The following PCDH1 variants were observed in gnomAD, a reference collection of about 807,000 sequenced individuals.
The protein encoded by PCDH1 is protocadherin 1, also known as protocadherin-1.
In PCDH1, 23 loss-of-function variants were observed where a neutral mutation model predicts 74.6. The observed-to-expected ratio is 0.31, with a 90% CI of 0.22 to 0.44. The LOEUF (loss-of-function observed/expected upper bound fraction) is 0.44, where lower values mean the gene tolerates loss of function less well. Ranked by LOEUF, PCDH1 falls within the 20% of genes least tolerant of loss-of-function variation. PCDH1 has a pLI of 1.00. For missense variants in PCDH1, 1,214 were observed against 1,641.4 expected (o/e 0.74, Z 4.50); for synonymous variants, 647 against 686.1 (o/e 0.94, Z 0.89).
Position 141,854,022 on chromosome 5 carries a change from C to T in PCDH1, c.*20G>A. 1 of 1,466,624 alleles carries T rather than the reference C, an allele frequency of 6.8e-7. No homozygotes were observed. 90.9% of individuals were successfully genotyped at this position (1,466,624 alleles called of 1,614,324 possible). On this transcript the variant is annotated 3_prime_UTR_variant, in exon 5 of 5. Coordinates refer to ENST00000287008, the MANE Select transcript of PCDH1 (RefSeq NM_032420.5). ...CTGGCCGGCGGCTGGGGGAGGGGGGCCGGCCGGCCAGTAGGGGGCTCACAG... is the reference window on the plus strand; with the variant it reads ...CTGGCCGGCGGCTGGGGGAGGGGGGTCGGCCGGCCAGTAGGGGGCTCACAG...
At chr5:141,877,411 G>A (rs1753267982) in intron 1 of PCDH1, among the ~76,000 whole-genome samples, 1 of 152,152 alleles carries the variant, frequency 6.6e-6, no homozygotes, top group Non-Finnish European at 1.5e-5. Flanking sequence ...CCTATGTTCT[G>A]GCCAAGAAGT....
In PCDH1 at chr5:141,865,495, C is replaced by A; in HGVS notation, c.904-68G>T. 2 of 1,513,244 alleles carry A rather than the reference C, an allele frequency of 1.3e-6. No individual in the cohort carries two copies. The highest frequency in any genetic ancestry group is 1.8e-6 in the Non-Finnish European group (2 of 1,117,958). 93.7% of individuals were successfully genotyped at this position (1,513,244 alleles called of 1,614,324 possible). A position where few individuals can be genotyped will look rare whatever the true frequency, so the allele number is the denominator to read the frequency against. On this transcript the variant is annotated intron_variant, in intron 2 of 4. Coordinates refer to ENST00000287008, the MANE Select transcript of PCDH1 (RefSeq NM_032420.5). This position sits in a 1 kb window ranked among gnomAD's most constrained non-coding sequence, Gnocchi z 4.4. The stretch of plus-strand genomic sequence containing the variant: ...AGATCAGGGATAGCAAATAAAGGGG[C>A]ACACATGCTGCCAATGTCCTTTCCA...
chr5:141,864,945 G>T lies in PCDH1; in HGVS notation c.1386C>A (p.Thr462=). The T allele has an allele frequency of 1.2e-6, 2 of 1,614,100 alleles. No homozygotes were observed. The highest frequency in any genetic ancestry group is 8.5e-7 in the Non-Finnish European group (1 of 1,180,024). ...SKKKYFLQTT[T]PLDYEKVKDY... ...CTTTGACCTTCTCGTAGTCTAGCGG[G>T]GTGGTAGTCTGCAGGAAATACTTCT... Residue 462 remains threonine, a synonymous_variant, in exon 3 of 5, where the codon ACC becomes ACA. Coordinates refer to ENST00000287008, the MANE Select transcript of PCDH1 (RefSeq NM_032420.5). The surrounding 1 kb of genome is among the most constrained non-coding windows in gnomAD (Gnocchi z 5.9).
intron 1 of PCDH1, among the ~76,000 whole-genome samples, chr5:141,872,789 AATTGGAAAGAG>A (rs1283269858): frequency 6.6e-6 from 1 of 152,206 alleles, no homozygotes; most frequent in East Asian, 1.9e-4. Context: ...CTAACCTCTG[AATTGGAAAGAG>A]AAGGAGAACC....
intron 4 of PCDH1, among the ~76,000 whole-genome samples, chr5:141,856,991 C>T (rs1433631005): frequency 1.3e-5 from 2 of 152,194 alleles, no homozygotes; most frequent in Admixed American, 6.5e-5. Context: ...AGGTCTGTCA[C>T]GTTCTAGATG....
intron 4 of PCDH1, chr5:141,856,306 T>C: frequency 7.3e-6 from 8 of 1,100,770 alleles, no homozygotes; most frequent in Non-Finnish European, 1.0e-5. Flanking sequence ...AGATCGCGCA[T>C]GGAGGGGCGG....
Position 141,875,893 on chromosome 5 carries a change from C to G in PCDH1, c.40+2330G>C, listed in dbSNP as rs551748485. On this transcript the variant is annotated intron_variant, in intron 1 of 4. Coordinates refer to ENST00000287008, the MANE Select transcript of PCDH1 (RefSeq NM_032420.5). ...AACACCCACCTACTCCCGCGCCCCC[C>G]ACCCCCTACAAACACAGCTAGACCT... 1.4e-3 allele frequency among the ~76,000 whole-genome samples: 216 copies of G among 152,276 alleles called. 1 individual carries two copies. The highest frequency in any genetic ancestry group is 2.6e-3 in the Non-Finnish European group (180 of 68,018).
chr5:141,862,692 TGG>T, intron 3 of PCDH1: 1 of 990,398 alleles, frequency 1.0e-6, no homozygotes, highest in Non-Finnish European at 1.2e-6. Flanking sequence ...CAAGGGCATG[TGG>T]GACCCAGCCC....
rs1596551758 is a variant in PCDH1, at chr5:141,863,553, C to T, written c.2778G>A (p.Glu926=). Residue 926 remains glutamate, a synonymous_variant, in exon 3 of 5, where the codon GAG becomes GAA. Coordinates refer to ENST00000287008, the MANE Select transcript of PCDH1 (RefSeq NM_032420.5). The surrounding 1 kb of genome is among the most constrained non-coding windows in gnomAD (Gnocchi z 7.5). ...SKSPKPVKPV[E]DEDEAGLQKS... is the part of the protein sequence containing the mutation. ...TCTGCAGCCCGGCCTCATCCTCGTC[C>T]TCCACTGGCTTCACGGGCTTTGGGG... is the stretch of plus-strand genomic sequence containing the variant. 6.2e-7 allele frequency: 1 copy of T among 1,614,074 alleles called. No homozygotes were observed. The highest frequency in any genetic ancestry group is 1.3e-5 in the African/African-American group (1 of 74,936).
At chr5:141,873,088 G>T (rs1055799230) in intron 1 of PCDH1, among the ~76,000 whole-genome samples, 1 of 152,046 alleles carries the variant, frequency 6.6e-6, no homozygotes, top group Non-Finnish European at 1.5e-5. Flanking sequence ...ACAACTTTGA[G>T]ATAATTCCAG....
rs1039517729 is a variant in PCDH1, at chr5:141,854,255, C to T, written c.3501G>A (p.Ala1167=). 8 of 1,612,156 alleles carry T rather than the reference C, an allele frequency of 5.0e-6. No individual in the cohort carries two copies. The highest frequency in any genetic ancestry group is 1.7e-5 in the Admixed American group (1 of 59,796). Residue 1167 remains alanine, a synonymous_variant, in exon 5 of 5, where the codon GCG becomes GCA. Transcript: ENST00000287008. ...CCGGGGGGCTGGGGCTGCCGGCGCC[C>T]GCAGGCTCCTGCCCTCCTCGGTCCT... ...PYQDRGGQEP[A]GAGSPSPPED...
At chr5:141,854,534 C>T (rs1228843893) in intron 4 of PCDH1, 98 bp from the exon 5 acceptor site, 2 of 1,265,904 alleles carry the variant, frequency 1.6e-6, no homozygotes, top group East Asian at 2.5e-5. Context: ...CACCTCAGGA[C>T]AGGAGTATGC....
rs766790322 is a variant in PCDH1 at position 141,865,238 on chromosome 5, T to C, written c.1093A>G (p.Asn365Asp). ...FSVLAKDRGT[N>D]PKSARAQVVV... ...ACCTGGGCACGGGCACTCTTGGGGT[T>C]GGTGCCTCGGTCCTTAGCAAGCACT... Residue 365 changes from asparagine (N) to aspartate (D), a missense_variant, in exon 3 of 5, where the codon AAC (asparagine) becomes GAC (aspartate). Physicochemically the swap from Asn to Asp is conservative, Grantham distance 23. Coordinates refer to ENST00000287008, the MANE Select transcript of PCDH1 (RefSeq NM_032420.5). The surrounding 1 kb of genome is among the most constrained non-coding windows in gnomAD (Gnocchi z 4.4). The C allele has an allele frequency of 1.2e-6, 2 of 1,614,098 alleles. No homozygotes were observed. The highest frequency in any genetic ancestry group is 1.1e-5 in the South Asian group (1 of 91,090).
In PCDH1 at chr5:141,857,259, G is replaced by A. The variant is rs368644493; in HGVS notation, c.3312C>T (p.Pro1104=). The A allele has an allele frequency of 1.6e-5, 25 of 1,576,542 alleles. No homozygotes were observed. The highest frequency in any genetic ancestry group is 1.9e-4 in the Middle Eastern group (1 of 5,188). The part of the protein sequence containing the change: ...PDGSIGEMEH[P]ENDLRPLPDV... Reference sequence around the variant, plus strand: ...CATGGTGCTGCGCCTCACCATTCTCGGGGTGCTCCATCTCTCCTATGCTGC... The same window carrying A: ...CATGGTGCTGCGCCTCACCATTCTCAGGGTGCTCCATCTCTCCTATGCTGC... Residue 1104 remains proline (P), a synonymous_variant, in exon 4 of 5, where the codon CCC becomes CCT. Transcript: ENST00000287008.
intron 4 of PCDH1, 73 bp downstream of exon 4, chr5:141,857,175 ATTTG>A: frequency 8.2e-7 from 1 of 1,213,834 alleles, no homozygotes; most frequent in Non-Finnish European, 1.1e-6. Context: ...TACATAGATG[ATTTG>A]TTTAAGGCCT....
intron 4 of PCDH1, among the ~76,000 whole-genome samples, chr5:141,855,607 G>A (rs1002739489): frequency 2.6e-5 from 4 of 152,010 alleles, no homozygotes; most frequent in African/African-American, 7.2e-5. Context: ...ACATGCTCCC[G>A]GTGGTCCTGA....
chr5:141,864,357 A>G lies in PCDH1; in HGVS notation c.1974T>C (p.Phe658=), dbSNP rs528061622. ...TGGTGCCTGTGCCATTCTGGATAAC[A>G]AAGTCACCGTTGTCCTGCTCCACTG... ...QLSVEQDNGD[F]VIQNGTGTIL... Residue 658 remains phenylalanine (F), a synonymous_variant, in exon 3 of 5, where the codon TTT becomes TTC. Transcript: ENST00000287008. This position sits in a 1 kb window ranked among gnomAD's most constrained non-coding sequence, Gnocchi z 5.9. The G allele has an allele frequency of 6.2e-7, 1 of 1,614,044 alleles. No homozygotes were observed. The highest frequency in any genetic ancestry group is 8.5e-7 in the Non-Finnish European group (1 of 1,179,956).
chr5:141,868,680 G>A lies in PCDH1; in HGVS notation c.792C>T (p.Ala264=). Reference sequence around the variant, plus strand: ...TGTCAAGCACGGTGACACGCAGCAGGGCACTGCTGGCGCGTGGGGGGCTGC... The same window carrying A: ...TGTCAAGCACGGTGACACGCAGCAGAGCACTGCTGGCGCGTGGGGGGCTGC... The part of the protein sequence containing the change: ...DGGSPPRASS[A]LLRVTVLDTN... Residue 264 remains alanine (A), a synonymous_variant, in exon 2 of 5, where the codon GCC becomes GCT. Transcript: ENST00000287008. This position sits in a 1 kb window ranked among gnomAD's most constrained non-coding sequence, Gnocchi z 4.8. 1 of 1,613,328 alleles carries A rather than the reference G, an allele frequency of 6.2e-7. No homozygotes were observed. The highest frequency in any genetic ancestry group is 8.5e-7 in the Non-Finnish European group (1 of 1,179,536).
intron 2 of PCDH1, chr5:141,866,125 G>C: frequency 3.0e-6 from 3 of 985,548 alleles, no homozygotes; most frequent in Non-Finnish European, 3.6e-6. Flanking sequence ...AAGTCAGGTA[G>C]GGTTGTGGGT....
Sources: gnomAD v4.1 joint callset for allele counts (sites outside exome capture counted in the v4.1 genomes callset) on GRCh38, gnomAD v4.1.1 for gene constraint, Gnocchi (gnomAD v3.1) non-coding constraint, MANE v1.5 for transcripts, NCBI Gene and HGNC (gene_info 2026-07-23, HGNC 2026-07-21) for gene names.